Variants in WDR35 observed in about 807,000 individuals in gnomAD.
WDR35 encodes the protein WD repeat domain 35.
A neutral mutation model predicts 158.3 loss-of-function variants in WDR35; 118 were observed. That is an observed-to-expected ratio of 0.75 (90% CI 0.64 to 0.87). The LOEUF is 0.87. Among genes scored for constraint, WDR35 ranks in the 40% least tolerant of loss-of-function variants. The pLI is 0.00. For synonymous variants in WDR35, 448 were observed against 476.1 expected (o/e 0.94, Z 0.77); for missense variants, 1,263 against 1,405.8 (o/e 0.90, Z 1.62).
intron 10 of WDR35, among the ~76,000 whole-genome samples, chr2:19,964,031 T>C (rs1489829292): frequency 6.6e-6 from 1 of 151,956 alleles, no homozygotes; most frequent in Non-Finnish European, 1.5e-5. Flanking sequence ...TCATATTTAA[T>C]TAGTAGTTGA....
intron 12 of WDR35, among the ~76,000 whole-genome samples, chr2:19,952,835 C>A (rs1388505314): frequency 7.7e-6 from 1 of 129,484 alleles, no homozygotes; most frequent in Non-Finnish European, 1.5e-5. Context: ...GTCGCCCAGG[C>A]TGGAGTGCAG....
At chr2:19,946,359 T>C in intron 15 of WDR35, 102 bp downstream of exon 15, 1 of 1,015,462 alleles carries the variant, frequency 9.8e-7, no homozygotes. Context: ...GACAAGTTCA[T>C]AATAGACACG....
intron 8 of WDR35, among the ~76,000 whole-genome samples, chr2:19,971,980 T>C (rs982374562): frequency 6.6e-6 from 1 of 152,178 alleles, no homozygotes; most frequent in Non-Finnish European, 1.5e-5. Context: ...CTTCTCTACG[T>C]CAAACTACAC....
Position 19,966,859 on chromosome 2 carries a change from A to G in WDR35, c.1059T>C (p.Arg353=), listed in dbSNP as rs1671870816. Residue 353 remains arginine, a synonymous_variant, in exon 10 of 27, where the codon CGT becomes CGC. Transcript: ENST00000281405. ...TVVYAYTRPD[R]PEYCVVFWDT... is the part of the protein sequence containing the mutation. ...CCCAGAAGACAACACAATATTCTGG[A>G]CGATCAGGTCTGGTATATGCATAAA... 1 of 1,614,004 alleles carries G rather than the reference A, an allele frequency of 6.2e-7. No individual in the cohort carries two copies. The highest frequency in any genetic ancestry group is 2.2e-5 in the East Asian group (1 of 44,846).
At chr2:19,947,427 C>G (rs1671094291) in intron 14 of WDR35, among the ~76,000 whole-genome samples, 1 of 152,142 alleles carries the variant, frequency 6.6e-6, no homozygotes, top group African/African-American at 2.4e-5. Context: ...AGAATATATA[C>G]TATTAAGGTT....
rs751389404 is a variant in WDR35 at position 19,969,493 on chromosome 2, C to T, written c.995G>A (p.Arg332Gln). The T allele has an allele frequency of 4.4e-5, 71 of 1,611,986 alleles. No individual in the cohort carries two copies. Among genetic ancestry groups the T allele is most frequent in the Non-Finnish European group, 5.5e-5 (65 of 1,178,682 alleles). Residue 332 changes from arginine to glutamine, a missense_variant, in exon 9 of 27, where the codon CGA (arginine) becomes CAA (glutamine). Coordinates refer to ENST00000281405, the MANE Select transcript of WDR35 (RefSeq NM_020779.4). ...CTTAATATTTACCTTATAATTAGGT[C>T]GAATGTTTGCAAAATATATAAAGGA... ...VDSFIYFANIRPNYKWGYCSN... is the reference protein window; with the variant it reads ...VDSFIYFANIQPNYKWGYCSN...
intron 11 of WDR35, among the ~76,000 whole-genome samples, chr2:19,958,851 G>C (rs1053323457): frequency 6.6e-6 from 1 of 152,118 alleles, no homozygotes; most frequent in Non-Finnish European, 1.5e-5. Context: ...CTCATGTGTA[G>C]AGTATAACAG....
At chr2:19,954,638 T>G (rs984575062) in intron 11 of WDR35, among the ~76,000 whole-genome samples, 4 of 152,072 alleles carry the variant, frequency 2.6e-5, no homozygotes, top group Non-Finnish European at 1.5e-5. Flanking sequence ...TCACACCCAC[T>G]AGGATGGCTA....
At chr2:19,915,456 C>T (rs1669961499) in intron 25 of WDR35, among the ~76,000 whole-genome samples, 2 of 149,808 alleles carry the variant, frequency 1.3e-5, no homozygotes, top group Admixed American at 6.6e-5. Flanking sequence ...AAAAATGAGG[C>T]ATATAGAGAT....
chr2:19,987,900 A>C (rs1243866465), intron 2 of WDR35, among the ~76,000 whole-genome samples: 3 of 151,786 alleles, frequency 2.0e-5, no homozygotes, highest in Non-Finnish European at 4.4e-5. Context: ...ATATATATAT[A>C]TACACACGTA....
At chr2:19,985,543 T>C (rs1558363697) in intron 2 of WDR35, among the ~76,000 whole-genome samples, 1 of 130,500 alleles carries the variant, frequency 7.7e-6, no homozygotes. Context: ...GCCCTTTAAA[T>C]ACCTTTTGGC....
rs746737895 is a variant in WDR35, at chr2:19,936,262, C to T, written c.2371G>A (p.Ala791Thr). 2.5e-6 allele frequency: 4 copies of T among 1,614,002 alleles called. No homozygotes were observed. In the Admixed American group the frequency reaches 6.7e-5, roughly 27 times the overall value. ...AAGTAGTCTCCAATGGCATTGTTGG[C>T]TTGTTCCAGGAGACTGTCATCTGCA... ...GDADDSLLEQ[A>T]NNAIGDYFAD... The change falls in exon 20 of 27, where the codon GCC (alanine) becomes ACC (threonine). Residue 791 changes from alanine (A) to threonine (T), a missense_variant. Coordinates refer to ENST00000281405, the MANE Select transcript of WDR35 (RefSeq NM_020779.4).
chr2:19,983,369 G>GTCC (rs1672450384), intron 2 of WDR35, among the ~76,000 whole-genome samples: 1 of 152,178 alleles, frequency 6.6e-6, no homozygotes, highest in Non-Finnish European at 1.5e-5. Flanking sequence ...ATCAAACAAG[G>GTCC]CTGGAGTGAT....
Position 19,913,380 on chromosome 2 carries a change from C to T in WDR35, c.*178G>A. ...TATGAAAATCGGCCTTATTATTTCA[C>T]AGTTGTATTGCCATAAAAATTATTT... is the stretch of plus-strand genomic sequence containing the variant. On this transcript the variant is annotated 3_prime_UTR_variant, in exon 27 of 27. Coordinates refer to ENST00000281405, the MANE Select transcript of WDR35 (RefSeq NM_020779.4). 3.2e-6 allele frequency: 2 copies of T among 633,746 alleles called. No homozygotes were observed. Among genetic ancestry groups the T allele is most frequent in the East Asian group, 3.0e-5 (1 of 33,236 alleles). 39.3% of individuals were successfully genotyped at this position (633,746 alleles called of 1,614,324 possible).
chr2:19,979,805 A>G (rs933419506), intron 4 of WDR35, among the ~76,000 whole-genome samples: 2 of 129,800 alleles, frequency 1.5e-5, no homozygotes, highest in African/African-American at 5.5e-5. Flanking sequence ...ACACACACAC[A>G]CTTTTTAAAA....
At chr2:19,946,113 C>G (rs1025064712) in intron 15 of WDR35, 117 bp from the exon 16 acceptor site, 7 of 1,114,340 alleles carry the variant, frequency 6.3e-6, no homozygotes, top group South Asian at 1.4e-5. Context: ...ACCTGGAATA[C>G]AGTAGAAATG....
rs181815865 is a variant in WDR35 at position 19,953,465 on chromosome 2, T to C, written c.1400+369A>G. 5.4e-4 allele frequency among the ~76,000 whole-genome samples: 82 copies of C among 152,284 alleles called. 1 individual carries two copies. The highest frequency in any genetic ancestry group is 1.8e-3 in the African/African-American group (75 of 41,562). ...CTGATATTGGAATCACCCCACCCTC[T>C]TGGGAAAACCTATACCACTAATGTA... On this transcript the variant is annotated intron_variant, in intron 12 of 26. Transcript: ENST00000281405.
intron 25 of WDR35, among the ~76,000 whole-genome samples, chr2:19,915,625 AT>A (rs1354658023): frequency 6.6e-6 from 1 of 152,000 alleles, no homozygotes; most frequent in Non-Finnish European, 1.5e-5. Flanking sequence ...TAAAATAAAC[AT>A]AAAAATAATT....
chr2:19,930,404 A>T lies in WDR35; in HGVS notation c.3113T>A (p.Leu1038Gln), dbSNP rs1407315414. 6.2e-7 allele frequency: 1 copy of T among 1,614,206 alleles called. No homozygotes were observed. Among genetic ancestry groups the T allele is most frequent in the South Asian group, 1.1e-5 (1 of 91,084 alleles). Residue 1038 changes from leucine (L) to glutamine (Q), a missense_variant, in exon 25 of 27, where the codon CTG becomes CAG. By Grantham distance (113) the Leu-to-Gln change is moderately radical (BLOSUM62 -2). Transcript: ENST00000281405. ...TTAGGTGACATGCCCACCTGTCTTC[A>T]GTGCAGTGTCCACACATCCCTCATA... is the stretch of plus-strand genomic sequence containing the variant. ...QLYEGCVDTA[L>Q]KTALHLKDYE...
Sources: gnomAD v4.1 joint callset for allele counts (sites outside exome capture counted in the v4.1 genomes callset) on GRCh38, gnomAD v4.1.1 for gene constraint, MANE v1.5 for transcripts, NCBI Gene and HGNC (gene_info 2026-07-23, HGNC 2026-07-21) for gene names.